The following UBE2F variants were observed in gnomAD, a reference collection of about 807,000 sequenced individuals.
The protein encoded by UBE2F is NEDD8-conjugating enzyme UBE2F.
UBE2F carries 5 observed loss-of-function variants against 29.6 expected under a neutral mutation model. The ratio of observed to expected loss-of-function variants is 0.17; its 90% confidence interval spans 0.09 to 0.36. The LOEUF (loss-of-function observed/expected upper bound fraction) is 0.36, where lower values mean the gene tolerates loss of function less well. UBE2F is among the 10% of genes least tolerant of loss of function. The pLI is 1.00. For missense variants in UBE2F, 141 were observed against 228.5 expected (o/e 0.62, Z 2.47); for synonymous variants, 66 against 81.8 (o/e 0.81, Z 1.04).
chr2:238,019,020 G>A (rs745484816), intron 5 of UBE2F, among the ~76,000 whole-genome samples: 3 of 152,146 alleles, frequency 2.0e-5, no homozygotes, highest in Non-Finnish European at 4.4e-5. Context: ...GGTTGAGGTG[G>A]AGGGGTAAGG....
intron 4 of UBE2F, among the ~76,000 whole-genome samples, chr2:238,013,509 G>A (rs1027640245): frequency 7.7e-6 from 1 of 129,442 alleles, no homozygotes; most frequent in South Asian, 2.6e-4. Context: ...TTTGCAGGGG[G>A]GAAGAAGGTT....
chr2:238,028,704 A>G (rs1008619396), intron 6 of UBE2F, among the ~76,000 whole-genome samples: 1 of 152,214 alleles, frequency 6.6e-6, no homozygotes, highest in East Asian at 1.9e-4. Context: ...CTCTTCACAG[A>G]CAATTAAGAT....
At chr2:237,988,327 A>G (rs1238970582) in intron 3 of UBE2F, among the ~76,000 whole-genome samples, 2 of 152,092 alleles carry the variant, frequency 1.3e-5, no homozygotes, top group Admixed American at 1.3e-4. Context: ...GCATGCCTGT[A>G]GTTCCAGCTA....
At chr2:237,977,652 G>A (rs929208750) in intron 2 of UBE2F, among the ~76,000 whole-genome samples, 5 of 152,152 alleles carry the variant, frequency 3.3e-5, no homozygotes, top group African/African-American at 1.2e-4. Flanking sequence ...CGGAAGTGGT[G>A]CTGTGGAGGC....
intron 1 of UBE2F, among the ~76,000 whole-genome samples, chr2:237,970,661 T>C (rs1175568076): frequency 6.6e-6 from 1 of 152,244 alleles, no homozygotes; most frequent in East Asian, 1.9e-4. Context: ...GAAAAGACTG[T>C]GCAGTTCAGA....
chr2:238,030,483 A>G, intron 6 of UBE2F, 73 bp from the exon 7 acceptor site: 1 of 1,041,378 alleles, frequency 9.6e-7, no homozygotes, highest in Non-Finnish European at 1.5e-6. Flanking sequence ...GCACACACCG[A>G]GAGGACTAGT....
chr2:238,016,713 C>A, intron 5 of UBE2F, 80 bp downstream of exon 5: 2 of 1,178,108 alleles, frequency 1.7e-6, no homozygotes, highest in African/African-American at 1.5e-5. Context: ...TGGCACAGGG[C>A]CCTAGCACTC....
At chr2:237,970,951 G>A (rs2063164881) in intron 1 of UBE2F, among the ~76,000 whole-genome samples, 1 of 152,222 alleles carries the variant, frequency 6.6e-6, no homozygotes, top group African/African-American at 2.4e-5. Flanking sequence ...GACCTCAGGT[G>A]ACCCACCTGC....
chr2:237,972,187 A>G (rs1056706220), intron 1 of UBE2F, among the ~76,000 whole-genome samples: 5 of 152,258 alleles, frequency 3.3e-5, no homozygotes, highest in Non-Finnish European at 7.3e-5. Flanking sequence ...AGTAAATGCA[A>G]CACAGCATGA....
At chr2:238,027,757 C>A (rs974531576) in intron 6 of UBE2F, among the ~76,000 whole-genome samples, 10 of 152,210 alleles carry the variant, frequency 6.6e-5, no homozygotes, top group Non-Finnish European at 1.5e-4. Context: ...AAAGCCCAAC[C>A]GCACCTCTGG....
chr2:238,032,112 T>A (rs1010603107), intron 7 of UBE2F, 110 bp from the exon 8 acceptor site: 4 of 790,706 alleles, frequency 5.1e-6, no homozygotes, highest in Non-Finnish European at 8.5e-6. Context: ...AAACAAACCA[T>A]GCTAAAGACA....
chr2:237,969,652 C>T (rs1338131352), intron 1 of UBE2F, among the ~76,000 whole-genome samples: 2 of 152,008 alleles, frequency 1.3e-5, no homozygotes, highest in African/African-American at 4.8e-5. Flanking sequence ...CTGATGTGCT[C>T]GAGTCTGCAC....
chr2:237,990,433 C>CT, intron 3 of UBE2F: 1 of 445,602 alleles, frequency 2.2e-6, no homozygotes, highest in Admixed American at 2.5e-5. Context: ...GACAGGGTCT[C>CT]TCTTTGTTGC....
intron 4 of UBE2F, among the ~76,000 whole-genome samples, chr2:237,995,382 A>G (rs1481948808): frequency 6.6e-6 from 1 of 152,248 alleles, no homozygotes; most frequent in Admixed American, 6.5e-5. Flanking sequence ...TCAAAGTGAC[A>G]GCAAGAGGAG....
At chr2:238,002,916 G>A (rs1177738420) in intron 4 of UBE2F, among the ~76,000 whole-genome samples, 1 of 152,178 alleles carries the variant, frequency 6.6e-6, no homozygotes, top group Non-Finnish European at 1.5e-5. Context: ...AAAGGCATGA[G>A]CCACCATGCC....
chr2:238,028,246 G>GA (rs2064481155), intron 6 of UBE2F, among the ~76,000 whole-genome samples: 2 of 152,368 alleles, frequency 1.3e-5, no homozygotes, highest in Admixed American at 1.3e-4. Context: ...GCCCCAGCCA[G>GA]ATGCAAAGCC....
chr2:238,014,924 A>G (rs994449733), intron 4 of UBE2F, among the ~76,000 whole-genome samples: 29 of 152,358 alleles, frequency 1.9e-4, no homozygotes, highest in African/African-American at 6.3e-4. Flanking sequence ...TTATACTGCC[A>G]GTCAGAAATC....
chr2:238,007,847 G>A (rs918087044), intron 4 of UBE2F, among the ~76,000 whole-genome samples: 2 of 152,004 alleles, frequency 1.3e-5, no homozygotes, highest in Non-Finnish European at 2.9e-5. Context: ...AGTTTTTTTT[G>A]TAATGAGTTG....
At chr2:238,019,893 C>T (rs1462496499) in intron 5 of UBE2F, among the ~76,000 whole-genome samples, 1 of 151,980 alleles carries the variant, frequency 6.6e-6, no homozygotes, top group Non-Finnish European at 1.5e-5. Context: ...CTCCTGACCT[C>T]AGGTGATCCG....
Sources: gnomAD v4.1 joint callset for allele counts (sites outside exome capture counted in the v4.1 genomes callset) on GRCh38, gnomAD v4.1.1 for gene constraint, MANE v1.5 for transcripts, NCBI Gene and HGNC (gene_info 2026-07-23, HGNC 2026-07-21) for gene names.